SUGT1: variants seen among roughly 807,000 people sequenced by gnomAD.
SUGT1 encodes SGT1 assembly cochaperone of MIS12 kinetochore complex, also known as protein SGT1 homolog.
SUGT1 carries 15 observed loss-of-function variants against 56.1 expected under a neutral mutation model. The ratio of observed to expected loss-of-function variants is 0.27; its 90% CI spans 0.18 to 0.41. The LOEUF (loss-of-function observed/expected upper bound fraction) is 0.41, where lower values mean the gene tolerates loss of function less well. Among genes scored for constraint, SUGT1 ranks in the 10% least tolerant of loss-of-function variants. The pLI is 1.00. For synonymous variants in SUGT1, 123 were observed against 128.6 expected, an observed-to-expected ratio of 0.96 and a Z score of 0.30; for missense variants, 347 against 382.2, an observed-to-expected ratio of 0.91 and a Z score of 0.77.
rs374952504 is a variant in SUGT1, at chr13:52,686,266, C to T, written c.901-1468C>T. On this transcript the variant is annotated intron_variant, in intron 12 of 12. Coordinates refer to ENST00000310528, the MANE Select transcript of SUGT1 (RefSeq NM_006704.5). ...TTATACAGACTTGTCAAATGTAATT[C>T]AGTCATTTTATTTAAAGCCCACTGT... 3.3e-5 allele frequency among the ~76,000 whole-genome samples: 5 copies of T among 152,236 alleles called. No homozygotes were observed. In the East Asian group the frequency reaches 5.8e-4, roughly 18 times the overall value.
chr13:52,658,585 T>A, intron 4 of SUGT1, 117 bp downstream of exon 4: 2 of 872,478 alleles, frequency 2.3e-6, no homozygotes, highest in Non-Finnish European at 3.3e-6. Flanking sequence ...ATACATTATA[T>A]AGCAGAGATA....
chr13:52,699,326 T>C lies in SUGT1; in HGVS notation c.*11491T>C, dbSNP rs1014670224. 3.9e-5 allele frequency: 6 copies of C among 152,078 alleles called. No homozygotes were observed. The highest frequency in any genetic ancestry group is 1.4e-4 in the African/African-American group (6 of 41,402). 9.4% of individuals were successfully genotyped at this position (152,078 alleles called of 1,614,324 possible). On this transcript the variant is annotated 3_prime_UTR_variant, in exon 13 of 13. Transcript: ENST00000310528. ...GAGAATAACTATTTGGGCAAAACAC[T>C]TTTATCACTGCTAAGATATTACTAG...
At chr13:52,668,281 A>G (rs1162465328) in intron 10 of SUGT1, among the ~76,000 whole-genome samples, 1 of 152,032 alleles carries the variant, frequency 6.6e-6, no homozygotes, top group Non-Finnish European at 1.5e-5. Context: ...CACCTGGCCT[A>G]TTACTCCTTT....
rs1245845608 is a variant in SUGT1, at chr13:52,693,562, G to C, written c.*5727G>C. On this transcript the variant is annotated 3_prime_UTR_variant, in exon 13 of 13. Coordinates refer to ENST00000310528, the MANE Select transcript of SUGT1 (RefSeq NM_006704.5). ...CATTGCTTACTAGCTGTGTGACAATGGATATAGGTGCTTAATGTCTCTGTG... is the reference window on the plus strand; with the variant it reads ...CATTGCTTACTAGCTGTGTGACAATCGATATAGGTGCTTAATGTCTCTGTG... The C allele has an allele frequency of 6.6e-6, 1 of 152,156 alleles. No individual in the cohort carries two copies. Among genetic ancestry groups the C allele is most frequent in the African/African-American group, 2.4e-5 (1 of 41,438 alleles). The allele number at this position is 152,156 out of a possible 1,614,324, so 9.4% of individuals were successfully genotyped here.
chr13:52,687,832 C>T lies in SUGT1; in HGVS notation c.999C>T (p.Tyr333=), dbSNP rs768078373. 6.3e-7 allele frequency: 1 copy of T among 1,590,006 alleles called. No homozygotes were observed. Among genetic ancestry groups the T allele is most frequent in the Admixed American group, 1.8e-5 (1 of 56,492 alleles). Reference sequence around the variant, plus strand: ...CTGATGATATGGAATGGAAAAAGTACTAAATAAATTAATTTGCTCTCATCG... The same window carrying T: ...CTGATGATATGGAATGGAAAAAGTATTAAATAAATTAATTTGCTCTCATCG... ...NPPDDMEWKK[Y] Residue 333 remains tyrosine, a synonymous_variant, in exon 13 of 13, where the codon TAC becomes TAT. Transcript: ENST00000310528.
chr13:52,670,546 C>T (rs897079538), intron 10 of SUGT1, among the ~76,000 whole-genome samples: 11 of 152,122 alleles, frequency 7.2e-5, no homozygotes, highest in African/African-American at 1.4e-4. Context: ...GTGGGTCATG[C>T]CTGTAATCCC....
intron 12 of SUGT1, among the ~76,000 whole-genome samples, chr13:52,684,143 C>G (rs762301259): frequency 6.6e-6 from 1 of 152,052 alleles, no homozygotes; most frequent in East Asian, 1.9e-4. Flanking sequence ...TCAAGCGATC[C>G]GCCCACCTTG....
In SUGT1 at chr13:52,695,216, A is replaced by G. The variant is rs183433567; in HGVS notation, c.*7381A>G. The G allele has an allele frequency of 6.6e-6, 1 of 152,334 alleles. No homozygotes were observed. The highest frequency in any genetic ancestry group is 2.4e-5 in the African/African-American group (1 of 41,580). 9.4% of individuals were successfully genotyped at this position (152,334 alleles called of 1,614,324 possible). A position where few individuals can be genotyped will look rare whatever the true frequency, so the allele number is the denominator to read the frequency against. On this transcript the variant is annotated 3_prime_UTR_variant, in exon 13 of 13. Coordinates refer to ENST00000310528, the MANE Select transcript of SUGT1 (RefSeq NM_006704.5). ...AGTAATGAGCTTAGGCTGAGGATATATATCCAGTGGGGGATGAAACATGCT... is the reference window on the plus strand; with the variant it reads ...AGTAATGAGCTTAGGCTGAGGATATGTATCCAGTGGGGGATGAAACATGCT...
intron 5 of SUGT1, among the ~76,000 whole-genome samples, chr13:52,662,389 G>A (rs1025064298): frequency 1.3e-5 from 2 of 152,162 alleles, no homozygotes; most frequent in South Asian, 4.1e-4. Context: ...CAGATTATTT[G>A]TATCTGTGAA....
chr13:52,667,345 T>G (rs1962750644), intron 10 of SUGT1, among the ~76,000 whole-genome samples: 1 of 152,176 alleles, frequency 6.6e-6, no homozygotes, highest in Admixed American at 6.5e-5. Flanking sequence ...GCCTTTTGTT[T>G]TTTTTGTTGT....
intron 2 of SUGT1, among the ~76,000 whole-genome samples, chr13:52,656,969 C>G (rs769118275): frequency 1.3e-5 from 2 of 152,134 alleles, no homozygotes; most frequent in African/African-American, 2.4e-5. Flanking sequence ...ACATAGCCAT[C>G]TATTAGATTG....
rs1164557770 is a variant in SUGT1, at chr13:52,652,894, C to T, written c.-27C>T. The T allele has an allele frequency of 2.5e-6, 4 of 1,610,868 alleles. No individual in the cohort carries two copies. Among genetic ancestry groups the T allele is most frequent in the Admixed American group, 1.7e-5 (1 of 59,152 alleles). On this transcript the variant is annotated 5_prime_UTR_variant, in exon 1 of 13. Coordinates refer to ENST00000310528, the MANE Select transcript of SUGT1 (RefSeq NM_006704.5). ...GTGGTAACCGTGATAGTAGCAGCTC[C>T]GGCGGCAGCAACAGCGACTACGAGG... is the stretch of plus-strand genomic sequence containing the variant.
In SUGT1 at chr13:52,658,742, T is replaced by C. The variant is rs1488737984; in HGVS notation, c.257+274T>C. Among the ~76,000 whole-genome samples the C allele has an allele frequency of 1.7e-4, 25 of 144,082 alleles. No individual in the cohort carries two copies. The South Asian group carries it at 4.0e-3, about 23-fold the overall frequency. The allele number at this position is 144,082 out of a possible 152,430, so 94.5% of individuals were successfully genotyped here. A position where few individuals can be genotyped will look rare whatever the true frequency, so the allele number is the denominator to read the frequency against. On this transcript the variant is annotated intron_variant, in intron 4 of 12. Transcript: ENST00000310528. The stretch of plus-strand genomic sequence containing the variant: ...AAACTGATAGATTTCACATTGCTTT[T>C]TTTTTTTTTTTTTTCAATCTTTTGG...
intron 12 of SUGT1, among the ~76,000 whole-genome samples, chr13:52,686,073 G>A (rs1455557523): frequency 3.3e-5 from 5 of 152,150 alleles, no homozygotes; most frequent in Non-Finnish European, 5.9e-5. Context: ...GACTACGGGC[G>A]CATGCCACTA....
chr13:52,658,203 G>A, intron 3 of SUGT1, 196 bp from the exon 4 acceptor site: 1 of 1,503,292 alleles, frequency 6.7e-7, no homozygotes. Flanking sequence ...TAAGAAGGAA[G>A]CTAAATGTTA....
At chr13:52,662,540 C>CGAAAGCAAT in intron 5 of SUGT1, 109 bp from the exon 6 acceptor site, 3 of 1,041,474 alleles carry the variant, frequency 2.9e-6, no homozygotes, top group Admixed American at 2.1e-5. Context: ...TCGCTGCCGA[C>CGAAAGCAAT]TCCCCAGTGC....
At chr13:52,666,763 C>T in intron 9 of SUGT1, 49 bp from the exon 10 acceptor site, 1 of 1,225,630 alleles carries the variant, frequency 8.2e-7, no homozygotes, top group Non-Finnish European at 1.2e-6. Context: ...GTTTTTTACC[C>T]TCCATTATAT....
rs4261419 is a variant in SUGT1 at position 52,699,456 on chromosome 13, C to T, written c.*11621C>T. 143,611 of 152,292 alleles carry T rather than the reference C, an allele frequency of 0.94. 67,732 individuals carry two copies. The highest frequency in any genetic ancestry group is 0.99 in the East Asian group (5,144 of 5,188). 9.4% of individuals were successfully genotyped at this position (152,292 alleles called of 1,614,324 possible). On this transcript the variant is annotated 3_prime_UTR_variant, in exon 13 of 13. Transcript: ENST00000310528. ...TCTCCGATGATGCCTGTTTAATTAC[C>T]CATAGGTGCTAAGTGAATGTTAAAA...
At position 52,694,405 on chromosome 13, in the gene SUGT1, A is replaced by G. The variant is rs1434474626; in HGVS notation, c.*6570A>G. The G allele has an allele frequency of 2.6e-5, 4 of 152,252 alleles. No individual in the cohort carries two copies. Among genetic ancestry groups the G allele is most frequent in the Admixed American group, 2.6e-4 (4 of 15,288 alleles). 9.4% of individuals were successfully genotyped at this position (152,252 alleles called of 1,614,324 possible). A position where few individuals can be genotyped will look rare whatever the true frequency, so the allele number is the denominator to read the frequency against. On this transcript the variant is annotated 3_prime_UTR_variant, in exon 13 of 13. Transcript: ENST00000310528. The stretch of plus-strand genomic sequence containing the variant: ...CTTTGGAGAGCATAAGAATTCATGA[A>G]AAGTTTTTAATAATTTTACTTAAAC...
Sources: allele counts gnomAD v4.1 joint callset (sites outside exome capture counted in the v4.1 genomes callset), GRCh38; gene constraint gnomAD v4.1.1; transcripts MANE v1.5; gene names NCBI Gene and HGNC (gene_info 2026-07-23, HGNC 2026-07-21).